Variants in WNT3 observed in about 807,000 individuals in gnomAD.
The protein encoded by WNT3 is Wnt family member 3, also known as proto-oncogene Wnt-3.
A neutral mutation model predicts 34.2 loss-of-function variants in WNT3; 7 were observed. The observed-to-expected ratio is 0.20, with a 90% CI of 0.12 to 0.38. The LOEUF (loss-of-function observed/expected upper bound fraction) is 0.38, where lower values mean the gene tolerates loss of function less well. WNT3 is among the 10% of genes least tolerant of loss of function. The probability of loss-of-function intolerance (pLI) is 1.00; values close to 1 mark genes in which losing one functional copy is unlikely to be tolerated. For missense variants in WNT3, 267 were observed against 499.8 expected (o/e 0.53, Z 4.44); for synonymous variants, 212 against 211.5 (o/e 1.00, Z -0.02).
rs552591996 is a variant in WNT3 at position 46,764,241 on chromosome 17, G to A, written c.*389C>T. 3.8e-4 allele frequency: 58 copies of A among 152,752 alleles called. No homozygotes were observed. Among genetic ancestry groups the A allele is most frequent in the African/African-American group, 1.4e-3 (58 of 41,584 alleles). The allele number at this position is 152,752 out of a possible 1,614,324, so 9.5% of individuals were successfully genotyped here. A position where few individuals can be genotyped will look rare whatever the true frequency, so the allele number is the denominator to read the frequency against. Reference sequence around the variant, plus strand: ...AGTTTGGAAACAGAACCTTGCCCATGCTGATGTCTTGACTGCCAGGCTGAG... The same window carrying A: ...AGTTTGGAAACAGAACCTTGCCCATACTGATGTCTTGACTGCCAGGCTGAG... On this transcript the variant is annotated 3_prime_UTR_variant, in exon 5 of 5. Coordinates refer to ENST00000225512, the MANE Select transcript of WNT3 (RefSeq NM_030753.5).
At chr17:46,787,387 G>A (rs1282273716) in intron 1 of WNT3, among the ~76,000 whole-genome samples, 1 of 152,232 alleles carries the variant, frequency 6.6e-6, no homozygotes, top group Non-Finnish European at 1.5e-5. Flanking sequence ...TTCTATTACA[G>A]TGTTAGGTCA....
chr17:46,770,609 C>G (rs1044301835), intron 2 of WNT3, among the ~76,000 whole-genome samples: 1 of 152,182 alleles, frequency 6.6e-6, no homozygotes, highest in Non-Finnish European at 1.5e-5. Flanking sequence ...ACACGGCTTC[C>G]CTCCGCTCCT....
chr17:46,780,139 T>C (rs575461688), intron 1 of WNT3, among the ~76,000 whole-genome samples: 141 of 152,332 alleles, frequency 9.3e-4, no homozygotes, highest in African/African-American at 3.3e-3. Context: ...ACCTAACATA[T>C]GGTGAGACAC....
intron 1 of WNT3, among the ~76,000 whole-genome samples, chr17:46,777,192 A>G (rs1327014694): frequency 1.3e-5 from 2 of 152,226 alleles, no homozygotes; most frequent in African/African-American, 4.8e-5. Context: ...CTTGGGCGAC[A>G]GAGCGAGACT....
At chr17:46,816,057 A>G (rs1004560411) in intron 1 of WNT3, among the ~76,000 whole-genome samples, 6 of 152,190 alleles carry the variant, frequency 3.9e-5, no homozygotes, top group Non-Finnish European at 5.9e-5. Context: ...ATATTCATGC[A>G]CAAAGACATC....
intron 1 of WNT3, among the ~76,000 whole-genome samples, chr17:46,799,907 G>C (rs954174634): frequency 2.0e-5 from 3 of 152,176 alleles, no homozygotes; most frequent in African/African-American, 7.2e-5. Flanking sequence ...TTGCACCACA[G>C]GTGGTTCTGT....
In WNT3 at chr17:46,765,521, G is replaced by A. The variant is rs371276774; in HGVS notation, c.*9-900C>T. Among the ~76,000 whole-genome samples, 16 of 152,366 alleles carry A rather than the reference G, an allele frequency of 1.1e-4. No homozygotes were observed. In the East Asian group the frequency reaches 2.7e-3, roughly 26 times the overall value. ...TCTCTCCTCACCGTGTGGAGGGCCC[G>A]GGGCCTGCTCTGCGACTCCCTTCTC... On this transcript the variant is annotated intron_variant, in intron 4 of 4. Coordinates refer to ENST00000225512, the MANE Select transcript of WNT3 (RefSeq NM_030753.5).
At chr17:46,811,434 GC>G (rs1318545613) in intron 1 of WNT3, among the ~76,000 whole-genome samples, 1 of 152,178 alleles carries the variant, frequency 6.6e-6, no homozygotes, top group African/African-American at 2.4e-5. Flanking sequence ...GGCCGTGCCT[GC>G]TGGCAGAACC....
chr17:46,808,014 T>A (rs142508452), intron 1 of WNT3, among the ~76,000 whole-genome samples: 1 of 152,370 alleles, frequency 6.6e-6, no homozygotes, highest in Non-Finnish European at 1.5e-5. Context: ...AAGAAGATTC[T>A]GCCCAGCTGC....
At chr17:46,812,291 G>GA (rs2084286675) in intron 1 of WNT3, among the ~76,000 whole-genome samples, 4 of 152,220 alleles carry the variant, frequency 2.6e-5, no homozygotes, top group Admixed American at 2.6e-4. Context: ...GGAGGAGGCA[G>GA]AAGTCTGGCC....
At chr17:46,810,674 G>A (rs2084262538) in intron 1 of WNT3, among the ~76,000 whole-genome samples, 1 of 151,882 alleles carries the variant, frequency 6.6e-6, no homozygotes, top group African/African-American at 2.4e-5. Context: ...CCTTCCCTGA[G>A]ACCAGCTTTC....
rs759716399 is a variant in WNT3, at chr17:46,773,906, G to T, written c.84C>A (p.Ser28=). ...RVLAGYPIWW[S]LALGQQYTSL... ...ATGTGTACTGCTGGCCCAGGGCCAGGGACCTGCAGGCAGACAGAGGGTAGT... is the reference window on the plus strand; with the variant it reads ...ATGTGTACTGCTGGCCCAGGGCCAGTGACCTGCAGGCAGACAGAGGGTAGT... Residue 28 remains serine, a synonymous_variant, in exon 2 of 5, where the codon TCC becomes TCA. Coordinates refer to ENST00000225512, the MANE Select transcript of WNT3 (RefSeq NM_030753.5). 2.5e-6 allele frequency: 4 copies of T among 1,611,470 alleles called. No individual in the cohort carries two copies. Among genetic ancestry groups the T allele is most frequent in the Non-Finnish European group, 8.5e-7 (1 of 1,179,820 alleles).
At chr17:46,789,206 C>T (rs1421814242) in intron 1 of WNT3, among the ~76,000 whole-genome samples, 1 of 151,980 alleles carries the variant, frequency 6.6e-6, no homozygotes, top group Non-Finnish European at 1.5e-5. Context: ...GGCCCAGAGG[C>T]CACCCTCCCT....
chr17:46,800,765 T>C (rs1207827177), intron 1 of WNT3, among the ~76,000 whole-genome samples: 2 of 152,152 alleles, frequency 1.3e-5, no homozygotes, highest in Non-Finnish European at 2.9e-5. Flanking sequence ...TGAAAGATGA[T>C]GGAGAACTGG....
At position 46,768,996 on chromosome 17, in the gene WNT3, T is replaced by C. The variant is rs901725768; in HGVS notation, c.589-197A>G. Reference sequence around the variant, plus strand: ...TCCCTCCCCCTTCACACCCCAAGCATGGGTAGACAGCACGTCCACTTCTCA... The same window carrying C: ...TCCCTCCCCCTTCACACCCCAAGCACGGGTAGACAGCACGTCCACTTCTCA... On this transcript the variant is annotated intron_variant, in intron 3 of 4. Coordinates refer to ENST00000225512, the MANE Select transcript of WNT3 (RefSeq NM_030753.5). The surrounding 1 kb of genome is among the most constrained non-coding windows in gnomAD (Gnocchi z 5.0). Among the ~76,000 whole-genome samples the C allele has an allele frequency of 6.6e-6, 1 of 152,114 alleles. No homozygotes were observed. The highest frequency in any genetic ancestry group is 6.5e-5 in the Admixed American group (1 of 15,282).
chr17:46,783,590 G>A (rs1257550136), intron 1 of WNT3, among the ~76,000 whole-genome samples: 1 of 152,186 alleles, frequency 6.6e-6, no homozygotes, highest in Non-Finnish European at 1.5e-5. Context: ...ATGGTCCCAA[G>A]GCACTTGTAA....
intron 1 of WNT3, among the ~76,000 whole-genome samples, chr17:46,813,939 G>A (rs755023529): frequency 2.0e-5 from 3 of 152,238 alleles, no homozygotes; most frequent in African/African-American, 4.8e-5. Context: ...CAGTGACTGA[G>A]CATGTATCCA....
At chr17:46,766,004 C>T (rs1403711639) in intron 4 of WNT3, among the ~76,000 whole-genome samples, 1 of 152,128 alleles carries the variant, frequency 6.6e-6, no homozygotes, top group Non-Finnish European at 1.5e-5. Context: ...GGGTAGGAAC[C>T]ACTTGGACAC....
intron 1 of WNT3, among the ~76,000 whole-genome samples, chr17:46,779,441 T>C (rs2059442070): frequency 6.6e-6 from 1 of 151,930 alleles, no homozygotes; most frequent in African/African-American, 2.4e-5. Context: ...GCCCTTCCCT[T>C]CCCTAGGACC....
Sources: allele counts gnomAD v4.1 joint callset (sites outside exome capture counted in the v4.1 genomes callset), GRCh38; gene constraint gnomAD v4.1.1; non-coding constraint Gnocchi (gnomAD v3.1); transcripts MANE v1.5; gene names NCBI Gene and HGNC (gene_info 2026-07-23, HGNC 2026-07-21).